Variants in PIGT observed in about 807,000 individuals in gnomAD.
PIGT encodes phosphatidylinositol glycan anchor biosynthesis class T.
PIGT carries 57 observed loss-of-function variants against 66.7 expected under a neutral mutation model. That is an observed-to-expected ratio of 0.86 (90% CI 0.69 to 1.07). The LOEUF (loss-of-function observed/expected upper bound fraction) is 1.07, where lower values mean the gene tolerates loss of function less well. Among genes scored for constraint, PIGT ranks in the 50% least tolerant of loss-of-function variants. The pLI is 0.00. For missense variants in PIGT, 725 were observed against 740.4 expected (o/e 0.98, Z 0.24); for synonymous variants, 362 against 320.5 (o/e 1.13, Z -1.38).
rs1229840519 is a variant in PIGT, at chr20:45,419,781, G to A, written c.681+191G>A. 3 of 611,880 alleles carry A rather than the reference G, an allele frequency of 4.9e-6. No individual in the cohort carries two copies. The Admixed American group carries it at 8.6e-5, about 18-fold the overall frequency. 37.9% of individuals were successfully genotyped at this position (611,880 alleles called of 1,614,324 possible). On this transcript the variant is annotated intron_variant, in intron 5 of 11. Transcript: ENST00000279036. Reference sequence around the variant, plus strand: ...AAGCACTGAATAAATATTTGTCATGGAAAATAGTGGTTCAGAACAATAGCT... The same window carrying A: ...AAGCACTGAATAAATATTTGTCATGAAAAATAGTGGTTCAGAACAATAGCT...
chr20:45,419,470 C>G, intron 4 of PIGT, 34 bp from the exon 5 acceptor site: 1 of 1,613,398 alleles, frequency 6.2e-7, no homozygotes, highest in Non-Finnish European at 8.5e-7. Context: ...GTGCTCCATA[C>G]AGGGCTTCTC....
intron 2 of PIGT, 54 bp from the exon 3 acceptor site, chr20:45,418,798 A>C (rs564254440): frequency 6.2e-7 from 1 of 1,609,512 alleles, no homozygotes; most frequent in African/African-American, 1.3e-5. Context: ...TGGACTTTGA[A>C]AGAGGGAGCA....
Position 45,419,522 on chromosome 20 carries a change from C to T in PIGT, c.613C>T (p.Leu205=), listed in dbSNP as rs140897889. 1.7e-5 allele frequency: 28 copies of T among 1,614,084 alleles called. No homozygotes were observed. In the African/African-American group the frequency reaches 3.2e-4, roughly 18 times the overall value. The change falls in exon 5 of 12, where the codon CTG becomes TTG. Residue 205 remains leucine (L), a synonymous_variant. Coordinates refer to ENST00000279036, the MANE Select transcript of PIGT (RefSeq NM_015937.6). The stretch of plus-strand genomic sequence containing the variant: ...CCTCCAGGCAGGCCTCTCTGTGCTG[C>T]TGAAGGCAGATCGCTTGTTCCACAC... ...CSSKAGLSVL[L]KADRLFHTSY...
chr20:45,425,273 C>T (rs1178934870), intron 11 of PIGT: 2 of 247,424 alleles, frequency 8.1e-6, no homozygotes, highest in African/African-American at 2.2e-5. Flanking sequence ...GCAGAACATA[C>T]AGGTTTGTTA....
rs867966057 is a variant in PIGT, at chr20:45,416,361, G to A, written c.187+18G>A. On this transcript the variant is annotated intron_variant, in intron 1 of 11. Transcript: ENST00000279036. ...GGAAGGAGGTGAGGGCGCGAGATCT[G>A]ACCAGGGAAAGATTTCCGTAGTGCC... 1 of 1,567,530 alleles carries A rather than the reference G, an allele frequency of 6.4e-7. No homozygotes were observed.
rs1341427496 is a variant in PIGT, at chr20:45,416,707, C to T, written c.365+13C>T. ...ACACTGTCACTGAGTGAGTGCACAC[C>T]TTGGGCCCTGTTGCAGGCCATGGAG... is the stretch of plus-strand genomic sequence containing the variant. On this transcript the variant is annotated intron_variant, in intron 2 of 11. Coordinates refer to ENST00000279036, the MANE Select transcript of PIGT (RefSeq NM_015937.6). The T allele has an allele frequency of 5.2e-5, 84 of 1,602,580 alleles. No homozygotes were observed. The highest frequency in any genetic ancestry group is 6.7e-5 in the Non-Finnish European group (79 of 1,174,300).
At position 45,425,857 on chromosome 20, in the gene PIGT, G is replaced by T; in HGVS notation, c.*31G>T. 1 of 1,603,226 alleles carries T rather than the reference G, an allele frequency of 6.2e-7. No homozygotes were observed. Among genetic ancestry groups the T allele is most frequent in the Non-Finnish European group, 8.5e-7 (1 of 1,173,882 alleles). ...GCCCTTTCCAGCAGCTGCAGCTGCC[G>T]TTTCTCTCTGGGGAGGGGAGCCCAA... On this transcript the variant is annotated 3_prime_UTR_variant, in exon 12 of 12. Transcript: ENST00000279036.
At chr20:45,423,043 T>C (rs1990469348) in intron 9 of PIGT, 1 of 138,548 alleles carries the variant, frequency 7.2e-6, no homozygotes. Flanking sequence ...TCCCCCTACC[T>C]ATACAAAAAA....
chr20:45,416,758 A>T, intron 2 of PIGT, 64 bp downstream of exon 2: 1 of 1,428,986 alleles, frequency 7.0e-7, no homozygotes, highest in Non-Finnish European at 9.4e-7. Flanking sequence ...GAGTGTTGTC[A>T]TCCTGCCACT....
intron 9 of PIGT, chr20:45,423,465 A>G (rs1990509883): frequency 6.6e-6 from 1 of 151,534 alleles, no homozygotes; most frequent in East Asian, 2.0e-4. Context: ...TGATCATACT[A>G]TTGCACTTCA....
At chr20:45,424,829 A>G in intron 11 of PIGT, 1 of 539,380 alleles carries the variant, frequency 1.9e-6, no homozygotes, top group Non-Finnish European at 3.3e-6. Flanking sequence ...ATGCTCTTAA[A>G]TATTTAATCA....
rs369525139 is a variant in PIGT at position 45,419,580 on chromosome 20, C to G, written c.671C>G (p.Pro224Arg). The G allele has an allele frequency of 6.2e-7, 1 of 1,612,496 alleles. No homozygotes were observed. The highest frequency in any genetic ancestry group is 8.5e-7 in the Non-Finnish European group (1 of 1,178,518). Reference protein sequence around the residue: ...SYHSQAVHIRPVCRNARCTSI... With the variant: ...SYHSQAVHIRRVCRNARCTSI... Reference sequence around the variant, plus strand: ...CACTCCCAGGCAGTGCATATCCGCCCTGTTTGCAGAGTAAGTCATGGGGAG... The same window carrying G: ...CACTCCCAGGCAGTGCATATCCGCCGTGTTTGCAGAGTAAGTCATGGGGAG... Residue 224 changes from proline to arginine, a missense_variant, in exon 5 of 12, where the codon CCT becomes CGT. Pro to Arg is a moderately radical substitution (Grantham distance 103, BLOSUM62 -2). Transcript: ENST00000279036.
chr20:45,421,434 G>C lies in PIGT; in HGVS notation c.1085G>C (p.Gly362Ala). The C allele has an allele frequency of 1.2e-6, 2 of 1,614,158 alleles. No individual in the cohort carries two copies. The highest frequency in any genetic ancestry group is 1.7e-6 in the Non-Finnish European group (2 of 1,180,024). ...LHAQRYVSGY[G>A]LQKGELSTLL... ...GCCCAGCGGTACGTGAGTGGCTATG[G>C]GCTGCAGAAGGGGGAGCTGAGCACA... Residue 362 changes from glycine (G) to alanine (A), a missense_variant, in exon 9 of 12, where the codon GGG becomes GCG. Coordinates refer to ENST00000279036, the MANE Select transcript of PIGT (RefSeq NM_015937.6).
chr20:45,424,856 C>T (rs1352175418), intron 11 of PIGT: 2 of 474,694 alleles, frequency 4.2e-6, no homozygotes, highest in South Asian at 2.3e-5. Flanking sequence ...TATCAAATGC[C>T]AAGTGCTTCT....
At chr20:45,421,945 A>G (rs1990393328) in intron 9 of PIGT, 1 of 169,826 alleles carries the variant, frequency 5.9e-6, no homozygotes, top group Admixed American at 6.3e-5. Context: ...TTTTGAAGCT[A>G]GGAAGATAGC....
chr20:45,425,676 C>A lies in PIGT; in HGVS notation c.1587C>A (p.Ile529=). ...ACTTCAGCATGCCCTACAACGTGATCTGCCTCACGTGCACTGTGGTGGCCG... is the reference window on the plus strand; with the variant it reads ...ACTTCAGCATGCCCTACAACGTGATATGCCTCACGTGCACTGTGGTGGCCG... ...TPDFSMPYNV[I]CLTCTVVAVC... is the part of the protein sequence containing the mutation. Residue 529 remains isoleucine (I), a synonymous_variant, in exon 12 of 12, where the codon ATC becomes ATA. Transcript: ENST00000279036. 6.2e-7 allele frequency: 1 copy of A among 1,614,170 alleles called. No homozygotes were observed. The highest frequency in any genetic ancestry group is 8.5e-7 in the Non-Finnish European group (1 of 1,179,998).
chr20:45,419,170 G>A, intron 3 of PIGT, 125 bp from the exon 4 acceptor site: 1 of 1,058,186 alleles, frequency 9.5e-7, no homozygotes, highest in Non-Finnish European at 1.4e-6. Context: ...CTCCCAGTTG[G>A]GACTGTCCAG....
intron 2 of PIGT, 186 bp from the exon 3 acceptor site, chr20:45,418,666 C>T: frequency 1.6e-6 from 1 of 618,312 alleles, no homozygotes; most frequent in East Asian, 3.1e-5. Flanking sequence ...GAAGAAGGGG[C>T]TGAGTAGGAT....
rs750956280 is a variant in PIGT at position 45,421,568 on chromosome 20, A to C, written c.1219A>C (p.Lys407Gln). The C allele has an allele frequency of 4.3e-6, 7 of 1,614,086 alleles. No individual in the cohort carries two copies. The South Asian group carries it at 6.6e-5, about 15-fold the overall frequency. The change falls in exon 9 of 12, where the codon AAG becomes CAG. Residue 407 changes from lysine to glutamine, a missense_variant. Coordinates refer to ENST00000279036, the MANE Select transcript of PIGT (RefSeq NM_015937.6). ...CACCCTCACCATCACCTCCAAGGGC[A>C]AGGAGAACAAACCAAGTGAGGACCT... ...VHTLTITSKG[K>Q]ENKPSYIHYQ...
Sources: gnomAD v4.1 joint callset for allele counts on GRCh38, gnomAD v4.1.1 for gene constraint, MANE v1.5 for transcripts, NCBI Gene and HGNC (gene_info 2026-07-23, HGNC 2026-07-21) for gene names.